The following LRBA variants were observed in gnomAD, a reference collection of about 807,000 sequenced individuals.
LRBA encodes lipopolysaccharide-responsive and beige-like anchor protein.
In LRBA, 176 loss-of-function variants were observed where a neutral mutation model predicts 330.0. The ratio of observed to expected loss-of-function variants is 0.53; its 90% CI spans 0.47 to 0.60. LRBA has a LOEUF of 0.60. LRBA is among the 20% of genes least tolerant of loss of function. The probability of loss-of-function intolerance (pLI) is 0.00; values close to 1 mark genes in which losing one functional copy is unlikely to be tolerated. For synonymous variants in LRBA, 1,230 were observed against 1,193.0 expected (o/e 1.03, Z -0.64); for missense variants, 3,259 against 3,444.8 (o/e 0.95, Z 1.35).
intron 36 of LRBA, among the ~76,000 whole-genome samples, chr4:150,717,701 A>AATAATAATAATC (rs890794296): frequency 1.7e-4 from 25 of 148,058 alleles, no homozygotes; most frequent in African/African-American, 5.9e-4. Context: ...TAATAATAAT[A>AATAATAATAATC]ATCAGTGCTT....
chr4:150,680,361 G>A (rs1782948887), intron 37 of LRBA, among the ~76,000 whole-genome samples: 1 of 152,166 alleles, frequency 6.6e-6, no homozygotes, highest in Admixed American at 6.5e-5. Flanking sequence ...AAAAAAGAGA[G>A]AGAGAGAAAG....
At chr4:150,995,619 G>A (rs979996693) in intron 2 of LRBA, among the ~76,000 whole-genome samples, 1 of 151,902 alleles carries the variant, frequency 6.6e-6, no homozygotes, top group Non-Finnish European at 1.5e-5. Context: ...GATCATTCTA[G>A]GCAAAGGAAA....
intron 48 of LRBA, among the ~76,000 whole-genome samples, chr4:150,335,800 G>A (rs111762656): frequency 0.055 from 8,396 of 152,096 alleles, 569 homozygotes; most frequent in African/African-American, 0.16. Context: ...GGGTGCAAGC[G>A]ATCCTCCCAC....
chr4:150,368,962 G>A lies in LRBA; in HGVS notation c.7195-18803C>T, dbSNP rs1273625871. ...TCAAATATCTGATGGTGTATGGACT[G>A]TGGGAATAAGAGACTGGAGACTCAG... On this transcript the variant is annotated intron_variant, in intron 47 of 56. Coordinates refer to ENST00000651943, the MANE Select transcript of LRBA (RefSeq NM_001364905.1). Among the ~76,000 whole-genome samples, 5 of 152,164 alleles carry A rather than the reference G, an allele frequency of 3.3e-5. No individual in the cohort carries two copies. The East Asian group carries it at 7.7e-4, about 23-fold the overall frequency.
At chr4:150,801,134 G>A (rs1741553990) in intron 33 of LRBA, among the ~76,000 whole-genome samples, 1 of 152,026 alleles carries the variant, frequency 6.6e-6, no homozygotes, top group Non-Finnish European at 1.5e-5. Flanking sequence ...TTTTAAAATA[G>A]GATGGCAATA....
rs923560549 is a variant in LRBA, at chr4:150,958,240, G to A, written c.217-29175C>T. On this transcript the variant is annotated intron_variant, in intron 2 of 56. Transcript: ENST00000651943. Reference sequence around the variant, plus strand: ...TACATCCTCTGCAATCTAGGTGGAGGTTCCCAAACCTCAGTTCTTGACTTC... The same window carrying A: ...TACATCCTCTGCAATCTAGGTGGAGATTCCCAAACCTCAGTTCTTGACTTC... Among the ~76,000 whole-genome samples the A allele has an allele frequency of 4.7e-5, 7 of 149,068 alleles. 1 individual carries two copies. The highest frequency in any genetic ancestry group is 1.6e-4 in the African/African-American group (6 of 38,484).
intron 37 of LRBA, among the ~76,000 whole-genome samples, chr4:150,641,809 G>A (rs1284831198): frequency 1.3e-5 from 2 of 151,954 alleles, no homozygotes. Flanking sequence ...GGGTTATGAG[G>A]TCAAAATGCA....
chr4:150,533,177 T>G (rs1561313116), intron 40 of LRBA, among the ~76,000 whole-genome samples: 1 of 152,060 alleles, frequency 6.6e-6, no homozygotes, highest in Non-Finnish European at 1.5e-5. Context: ...CCATCTTTTT[T>G]TGTTTGTTTG....
At chr4:150,458,683 T>C (rs1657466217) in intron 44 of LRBA, among the ~76,000 whole-genome samples, 3 of 152,112 alleles carry the variant, frequency 2.0e-5, no homozygotes, top group South Asian at 4.1e-4. Flanking sequence ...TATTAATTTT[T>C]ATACTGCTCT....
chr4:150,977,975 G>A (rs936649861), intron 2 of LRBA, among the ~76,000 whole-genome samples: 3 of 152,272 alleles, frequency 2.0e-5, no homozygotes, highest in Non-Finnish European at 4.4e-5. Context: ...ACCCTGAAGG[G>A]AAGGACATAA....
At chr4:150,399,084 C>T (rs998593104) in intron 47 of LRBA, among the ~76,000 whole-genome samples, 7 of 152,066 alleles carry the variant, frequency 4.6e-5, no homozygotes, top group Admixed American at 1.3e-4. Flanking sequence ...TATTAACATA[C>T]CTTAAAATTG....
intron 36 of LRBA, among the ~76,000 whole-genome samples, chr4:150,728,581 A>C (rs1461243824): frequency 6.6e-6 from 1 of 152,162 alleles, no homozygotes; most frequent in Admixed American, 6.5e-5. Context: ...TGATATCAAC[A>C]GAATGAAGGA....
At chr4:150,487,963 T>A (rs1758090323) in intron 41 of LRBA, 129 bp from the exon 42 acceptor site, 1 of 444,724 alleles carries the variant, frequency 2.2e-6, no homozygotes, top group Non-Finnish European at 4.2e-6. Flanking sequence ...CTATATTCCT[T>A]TTATATAGTA....
chr4:150,456,675 C>T (rs953736454), intron 44 of LRBA, among the ~76,000 whole-genome samples: 1 of 152,014 alleles, frequency 6.6e-6, no homozygotes, highest in Non-Finnish European at 1.5e-5. Context: ...GCCTTTTTAA[C>T]TTGATGTGGT....
intron 47 of LRBA, among the ~76,000 whole-genome samples, chr4:150,369,534 A>G (rs1157091418): frequency 6.6e-6 from 1 of 152,080 alleles, no homozygotes; most frequent in Non-Finnish European, 1.5e-5. Context: ...TATGATGCCT[A>G]AAAAAATATA....
At chr4:150,802,619 T>C (rs994318161) in intron 33 of LRBA, among the ~76,000 whole-genome samples, 1 of 152,134 alleles carries the variant, frequency 6.6e-6, no homozygotes, top group Non-Finnish European at 1.5e-5. Context: ...AGAGGGTTAA[T>C]TAACATCATT....
At chr4:150,752,780 C>T (rs75295582) in intron 35 of LRBA, among the ~76,000 whole-genome samples, 5,640 of 152,186 alleles carry the variant, frequency 0.037, 310 homozygotes, top group African/African-American at 0.12. Context: ...TTTAAAACAA[C>T]TCATGATATT....
chr4:150,685,161 T>C (rs532596429), intron 36 of LRBA, among the ~76,000 whole-genome samples: 11 of 151,140 alleles, frequency 7.3e-5, no homozygotes, highest in Admixed American at 2.0e-4. Flanking sequence ...ACTATGAAAA[T>C]TGTAGAAAAA....
At chr4:150,680,564 G>T (rs781692389) in intron 37 of LRBA, among the ~76,000 whole-genome samples, 2 of 152,100 alleles carry the variant, frequency 1.3e-5, no homozygotes, top group Non-Finnish European at 2.9e-5. Context: ...TTTATAAAGG[G>T]TATTAAGTCT....
Sources: gnomAD v4.1 joint callset for allele counts (sites outside exome capture counted in the v4.1 genomes callset) on GRCh38, gnomAD v4.1.1 for gene constraint, MANE v1.5 for transcripts, NCBI Gene and HGNC (gene_info 2026-07-23, HGNC 2026-07-21) for gene names.